The following PHACTR1 variants were observed in gnomAD, a reference collection of about 807,000 sequenced individuals.
PHACTR1 encodes phosphatase and actin regulator 1, also known as RPEL repeat containing 1.
Under a neutral mutation model 69.2 loss-of-function variants are expected in PHACTR1, and 16 were observed. That is an observed-to-expected ratio of 0.23 (90% CI 0.16 to 0.35). The LOEUF is 0.35. Among genes scored for constraint, PHACTR1 ranks in the 10% least tolerant of loss-of-function variants. The pLI is 1.00. For synonymous variants in PHACTR1, 312 were observed against 284.5 expected, an observed-to-expected ratio of 1.10 and a Z score of -0.97; for missense variants, 510 against 734.7, an observed-to-expected ratio of 0.69 and a Z score of 3.54.
chr6:12,886,259 T>TA (rs11403252), intron 4 of PHACTR1, among the ~76,000 whole-genome samples: 143,956 of 148,356 alleles, frequency 0.97, 69,884 homozygotes, highest in East Asian at 0.99. Flanking sequence ...GTTTGATTGT[T>TA]AAAAAAAAAA....
At chr6:12,767,517 G>A (rs1438647618) in intron 4 of PHACTR1, among the ~76,000 whole-genome samples, 1 of 151,764 alleles carries the variant, frequency 6.6e-6, no homozygotes, top group Non-Finnish European at 1.5e-5. Context: ...TGAAATGGGG[G>A]TTCCAGGTGA....
At chr6:13,173,182 T>C (rs1035721259) in intron 6 of PHACTR1, among the ~76,000 whole-genome samples, 21 of 152,256 alleles carry the variant, frequency 1.4e-4, no homozygotes, top group Non-Finnish European at 2.9e-4. Flanking sequence ...AGAACTAATG[T>C]ATTTGGTTGG....
At chr6:13,077,743 G>T (rs1287494223) in intron 5 of PHACTR1, among the ~76,000 whole-genome samples, 1 of 152,112 alleles carries the variant, frequency 6.6e-6, no homozygotes, top group Non-Finnish European at 1.5e-5. Context: ...GGGGGCTATC[G>T]TAGCAGTCTA....
At chr6:12,985,777 G>C (rs191327962) in intron 4 of PHACTR1, among the ~76,000 whole-genome samples, 2 of 151,538 alleles carry the variant, frequency 1.3e-5, no homozygotes, top group African/African-American at 4.8e-5. Flanking sequence ...ATAATATTAA[G>C]GGAAAGAAGC....
chr6:12,810,220 C>T lies in PHACTR1; in HGVS notation c.250+60430C>T, dbSNP rs192752312. On this transcript the variant is annotated intron_variant, in intron 4 of 14. Transcript: ENST00000332995. ...TACACATTTCAAAGTTAGGTATTTT[C>T]AAACTCATTTTTTTCTCACTGATAA... Among the ~76,000 whole-genome samples the T allele has an allele frequency of 4.2e-3, 634 of 152,266 alleles. 5 individuals are homozygous for T. Among genetic ancestry groups the T allele is most frequent in the African/African-American group, 0.015 (612 of 41,550 alleles).
At chr6:13,026,679 GA>G (rs1554109084) in intron 4 of PHACTR1, among the ~76,000 whole-genome samples, 1 of 152,122 alleles carries the variant, frequency 6.6e-6, no homozygotes, top group Non-Finnish European at 1.5e-5. Flanking sequence ...GTGGGAGGAT[GA>G]TAGCCCTTTC....
intron 4 of PHACTR1, among the ~76,000 whole-genome samples, chr6:12,789,400 T>A (rs1771947492): frequency 6.6e-6 from 1 of 152,176 alleles, no homozygotes; most frequent in African/African-American, 2.4e-5. Context: ...TTTTTTAACA[T>A]TGGAGTATCT....
chr6:13,198,550 C>A (rs947010121), intron 7 of PHACTR1, among the ~76,000 whole-genome samples: 1 of 151,816 alleles, frequency 6.6e-6, no homozygotes, highest in African/African-American at 2.4e-5. Flanking sequence ...GCTTCCCTGG[C>A]CCACATTGGA....
intron 4 of PHACTR1, among the ~76,000 whole-genome samples, chr6:12,762,966 C>T (rs186713847): frequency 0.014 from 2,128 of 152,242 alleles, 57 homozygotes; most frequent in African/African-American, 0.049. Context: ...GGAATCCCAG[C>T]ACTTTGGAAG....
chr6:13,252,585 C>T (rs1025322128), intron 10 of PHACTR1, among the ~76,000 whole-genome samples: 14 of 151,028 alleles, frequency 9.3e-5, no homozygotes, highest in African/African-American at 3.4e-4. Context: ...ACTGGTTAGA[C>T]ATTCTTAAAA....
At chr6:13,134,795 T>TGAA (rs1821278269) in intron 5 of PHACTR1, among the ~76,000 whole-genome samples, 1 of 111,364 alleles carries the variant, frequency 9.0e-6, no homozygotes, top group Non-Finnish European at 1.8e-5. Flanking sequence ...CAATAAATAC[T>TGAA]AAAAAAAAAA....
intron 4 of PHACTR1, among the ~76,000 whole-genome samples, chr6:13,020,060 A>C (rs1317641932): frequency 6.6e-6 from 1 of 152,208 alleles, no homozygotes; most frequent in African/African-American, 2.4e-5. Context: ...GTTGAAGGCC[A>C]GGTAGCCAGA....
intron 4 of PHACTR1, among the ~76,000 whole-genome samples, chr6:12,980,705 G>A (rs1040970793): frequency 1.3e-5 from 2 of 152,104 alleles, no homozygotes; most frequent in Non-Finnish European, 2.9e-5. Flanking sequence ...CATGTCCTAA[G>A]TCTTAGATAA....
intron 4 of PHACTR1, among the ~76,000 whole-genome samples, chr6:12,932,962 G>A (rs1789032815): frequency 1.5e-5 from 2 of 136,394 alleles, no homozygotes; most frequent in South Asian, 2.3e-4. Context: ...TTGAGATTGA[G>A]TCTCACTCTG....
chr6:13,193,094 G>T (rs1447131176), intron 7 of PHACTR1, among the ~76,000 whole-genome samples: 2 of 151,900 alleles, frequency 1.3e-5, no homozygotes, highest in African/African-American at 4.8e-5. Flanking sequence ...GTAGTTCTCA[G>T]GCCGTACACT....
intron 4 of PHACTR1, among the ~76,000 whole-genome samples, chr6:13,031,639 T>C (rs747648858): frequency 6.6e-6 from 1 of 152,234 alleles, no homozygotes; most frequent in Non-Finnish European, 1.5e-5. Flanking sequence ...GGTATTGTTC[T>C]ACCTGTCTAG....
At chr6:13,193,559 T>A (rs1223558) in intron 7 of PHACTR1, among the ~76,000 whole-genome samples, 122,463 of 149,888 alleles carry the variant, frequency 0.82, 50,480 homozygotes, top group East Asian at 0.96. Flanking sequence ...GCTAATTTTT[T>A]AAAATTTTTT....
chr6:13,084,535 A>G (rs1463648107), intron 5 of PHACTR1, among the ~76,000 whole-genome samples: 2 of 152,100 alleles, frequency 1.3e-5, no homozygotes, highest in Non-Finnish European at 2.9e-5. Flanking sequence ...AAAAAAAAGA[A>G]TTAATACAAA....
chr6:13,206,439 C>T, intron 8 of PHACTR1, among the ~76,000 whole-genome samples: 1 of 152,092 alleles, frequency 6.6e-6, no homozygotes, highest in East Asian at 1.9e-4. Context: ...AAAATTGCAA[C>T]TTCAGTAAAA....
Sources: gnomAD v4.1 joint callset for allele counts (sites outside exome capture counted in the v4.1 genomes callset) on GRCh38, gnomAD v4.1.1 for gene constraint, MANE v1.5 for transcripts, NCBI Gene and HGNC (gene_info 2026-07-23, HGNC 2026-07-21) for gene names.